The following DNAH11 variants were observed in gnomAD, a reference collection of about 807,000 sequenced individuals.
DNAH11 encodes the protein dynein axonemal heavy chain 11.
DNAH11 carries 442 observed loss-of-function variants against 526.0 expected under a neutral mutation model. That is an observed-to-expected ratio of 0.84 (90% CI 0.78 to 0.91). The LOEUF is 0.91. DNAH11 is among the 40% of genes least tolerant of loss of function. The pLI is 0.00. For synonymous variants in DNAH11, 2,461 were observed against 1,935.9 expected (o/e 1.27, Z -7.12); for missense variants, 6,989 against 5,448.7 (o/e 1.28, Z -8.90).
rs899591611 is a variant in DNAH11 at position 21,725,290 on chromosome 7, C to A, written c.7267-521C>A. On this transcript the variant is annotated intron_variant, in intron 44 of 81. Transcript: ENST00000409508. ...TTCCCAGATTTAGAATTCCAGAGAT[C>A]AACAGAGTTTCAGTAATGATGTGTA... Among the ~76,000 whole-genome samples the A allele has an allele frequency of 5.9e-5, 9 of 152,104 alleles. 1 individual carries two copies. Among genetic ancestry groups the A allele is most frequent in the Admixed American group, 5.2e-4 (8 of 15,270 alleles).
intron 45 of DNAH11, among the ~76,000 whole-genome samples, chr7:21,730,663 TG>T (rs1481459087): frequency 1.3e-5 from 2 of 151,736 alleles, no homozygotes; most frequent in African/African-American, 4.8e-5. Context: ...AAGCGGAGAG[TG>T]GAATGGTGGC....
intron 18 of DNAH11, among the ~76,000 whole-genome samples, chr7:21,603,884 T>G (rs983772920): frequency 6.6e-6 from 1 of 152,144 alleles, no homozygotes; most frequent in Non-Finnish European, 1.5e-5. Context: ...ATTATATAAG[T>G]TTGGTTCACT....
chr7:21,634,597 G>C (rs1178367387), intron 25 of DNAH11, among the ~76,000 whole-genome samples: 1 of 152,166 alleles, frequency 6.6e-6, no homozygotes, highest in African/African-American at 2.4e-5. Context: ...AACAAGCACT[G>C]CTGAGCTAAA....
In DNAH11 at chr7:21,867,962, A is replaced by T. The variant is rs1315596962; in HGVS notation, c.11794A>T (p.Ile3932Phe). 6.4e-7 allele frequency: 1 copy of T among 1,565,946 alleles called. No individual in the cohort carries two copies. Among genetic ancestry groups the T allele is most frequent in the Non-Finnish European group, 8.7e-7 (1 of 1,154,174 alleles). The change falls in exon 72 of 82, where the codon ATC becomes TTC. Residue 3932 changes from isoleucine to phenylalanine, a missense_variant. By Grantham distance (21) the Ile-to-Phe change is conservative. Transcript: ENST00000409508. ...CAGCCCAGCCACCCCCATATTCTTCATCCTGTCTCCGGGGGTAGATGCCCT... is the reference window on the plus strand; with the variant it reads ...CAGCCCAGCCACCCCCATATTCTTCTTCCTGTCTCCGGGGGTAGATGCCCT... Reference protein sequence around the residue: ...ESSPATPIFFILSPGVDALKD... With the variant: ...ESSPATPIFFFLSPGVDALKD...
At chr7:21,635,767 G>T (rs933433244) in intron 25 of DNAH11, 104 bp from the exon 26 acceptor site, 2 of 912,462 alleles carry the variant, frequency 2.2e-6, no homozygotes, top group Non-Finnish European at 3.1e-6. Context: ...TACATGCTAG[G>T]TCTAAGAATC....
At chr7:21,817,410 G>C (rs1789843750) in intron 64 of DNAH11, among the ~76,000 whole-genome samples, 1 of 150,990 alleles carries the variant, frequency 6.6e-6, no homozygotes, top group African/African-American at 2.4e-5. Context: ...GCCAGGTACA[G>C]TAGCTCATGC....
chr7:21,852,714 G>A, intron 67 of DNAH11, 83 bp downstream of exon 67: 1 of 1,420,982 alleles, frequency 7.0e-7, no homozygotes, highest in Non-Finnish European at 9.4e-7. Flanking sequence ...ATCAGACTTG[G>A]TAATTCCTCT....
In DNAH11 at chr7:21,615,229, T is replaced by G; in HGVS notation, c.3968T>G (p.Ile1323Arg). 6.2e-7 allele frequency: 1 copy of G among 1,613,474 alleles called. No individual in the cohort carries two copies. The highest frequency in any genetic ancestry group is 1.1e-5 in the South Asian group (1 of 91,000). Residue 1323 changes from isoleucine (I) to arginine (R), a missense_variant, in exon 21 of 82, where the codon ATA (isoleucine) becomes AGA (arginine). Coordinates refer to ENST00000409508, the MANE Select transcript of DNAH11 (RefSeq NM_001277115.2). ...CAAATGAAACAGTGTCGCAAAGAAATAAAATTGCTCAAGGGACTGTGGGAT... is the reference window on the plus strand; with the variant it reads ...CAAATGAAACAGTGTCGCAAAGAAAGAAAATTGCTCAAGGGACTGTGGGAT... ...YKQMKQCRKE[I>R]KLLKGLWDVI...
At chr7:21,630,322 C>T (rs1031411735) in intron 25 of DNAH11, among the ~76,000 whole-genome samples, 1 of 152,104 alleles carries the variant, frequency 6.6e-6, no homozygotes, top group Non-Finnish European at 1.5e-5. Flanking sequence ...GTCTTTTGGG[C>T]TTCATGCCAG....
At chr7:21,653,986 T>G (rs891241821) in intron 28 of DNAH11, among the ~76,000 whole-genome samples, 1 of 152,222 alleles carries the variant, frequency 6.6e-6, no homozygotes, top group African/African-American at 2.4e-5. Context: ...TAAACTGCAC[T>G]TCCAGAAAAG....
intron 2 of DNAH11, among the ~76,000 whole-genome samples, chr7:21,557,994 G>A (rs1783287880): frequency 6.6e-6 from 1 of 152,204 alleles, no homozygotes; most frequent in Non-Finnish European, 1.5e-5. Flanking sequence ...AAAAATGAAA[G>A]TGAATTTTCA....
chr7:21,615,168 A>C lies in DNAH11; in HGVS notation c.3907A>C (p.Thr1303Pro), dbSNP rs951199503. 4 of 1,612,994 alleles carry C rather than the reference A, an allele frequency of 2.5e-6. No individual in the cohort carries two copies. Among genetic ancestry groups the C allele is most frequent in the Non-Finnish European group, 3.4e-6 (4 of 1,179,452 alleles). Reference sequence around the variant, plus strand: ...AGAAATGTTGCAGATGCAAGAATCTACTCGTCTTTTTGAAGTGGCTCTTCC... The same window carrying C: ...AGAAATGTTGCAGATGCAAGAATCTCCTCGTCTTTTTGAAGTGGCTCTTCC... ...EEEMLQMQESTRLFEVALPEY... is the reference protein window; with the variant it reads ...EEEMLQMQESPRLFEVALPEY... Residue 1303 changes from threonine (T) to proline (P), a missense_variant, in exon 21 of 82, where the codon ACT (threonine) becomes CCT (proline). Physicochemically the swap from Thr to Pro is conservative, Grantham distance 38 (BLOSUM62 -1). Coordinates refer to ENST00000409508, the MANE Select transcript of DNAH11 (RefSeq NM_001277115.2).
At chr7:21,601,373 C>T (rs528952358) in intron 17 of DNAH11, 23 bp from the exon 18 acceptor site, 35 of 1,588,056 alleles carry the variant, frequency 2.2e-5, no homozygotes, top group Non-Finnish European at 2.8e-5. Context: ...TTGTGTGTAT[C>T]TATGTACATA....
At chr7:21,744,678 A>G in intron 50 of DNAH11, 79 bp downstream of exon 50, 2 of 1,557,416 alleles carry the variant, frequency 1.3e-6, no homozygotes, top group Non-Finnish European at 1.7e-6. Context: ...TGAGGGTATG[A>G]GAGAAGTGCA....
chr7:21,563,168 T>A (rs1451033787), intron 5 of DNAH11, among the ~76,000 whole-genome samples: 1 of 152,028 alleles, frequency 6.6e-6, no homozygotes. Flanking sequence ...AATATTTAAA[T>A]TTTTTTTCAT....
chr7:21,578,275 T>C (rs748144892), intron 8 of DNAH11, among the ~76,000 whole-genome samples: 7 of 152,272 alleles, frequency 4.6e-5, no homozygotes, highest in Non-Finnish European at 7.4e-5. Context: ...CCCTTCCAAA[T>C]GGGAGAAATT....
chr7:21,632,895 A>G (rs1462270357), intron 25 of DNAH11, among the ~76,000 whole-genome samples: 1 of 152,072 alleles, frequency 6.6e-6, no homozygotes, highest in Non-Finnish European at 1.5e-5. Context: ...GAATTAGTTC[A>G]TTTTCATGCT....
intron 70 of DNAH11, among the ~76,000 whole-genome samples, 164 bp downstream of exon 70, chr7:21,864,821 A>G (rs1046499923): frequency 2.6e-5 from 4 of 152,200 alleles, no homozygotes; most frequent in Non-Finnish European, 5.9e-5. Context: ...TGTATTATTC[A>G]ATTGGTTAAT....
At chr7:21,577,256 C>T (rs954316760) in intron 8 of DNAH11, among the ~76,000 whole-genome samples, 1 of 152,232 alleles carries the variant, frequency 6.6e-6, no homozygotes, top group African/African-American at 2.4e-5. Context: ...ACTGTCCACT[C>T]TAGCCAAACA....
Sources: allele counts gnomAD v4.1 joint callset (sites outside exome capture counted in the v4.1 genomes callset), GRCh38; gene constraint gnomAD v4.1.1; transcripts MANE v1.5; gene names NCBI Gene and HGNC (gene_info 2026-07-23, HGNC 2026-07-21).